Variants in SPMIP2 observed in about 807,000 individuals in gnomAD.
SPMIP2 encodes sperm microtubule inner protein 2, also known as protein SPMIP2.
the SPMIP2 span, among the ~76,000 whole-genome samples, chr4:158,982,837 A>G: frequency 1.3e-5 from 2 of 152,186 alleles, no homozygotes; most frequent in African/African-American, 4.8e-5. Context: ...TTGAGAGAAG[A>G]AGGCTTCAGA....
the SPMIP2 span, among the ~76,000 whole-genome samples, chr4:159,075,467 G>C: frequency 6.6e-6 from 1 of 152,026 alleles, no homozygotes; most frequent in Non-Finnish European, 1.5e-5. Context: ...GGATCATTTT[G>C]TAATTGTGTT....
chr4:158,904,577 A>G, the SPMIP2 span: 1 of 1,572,986 alleles, frequency 6.4e-7, no homozygotes, highest in Non-Finnish European at 8.7e-7. Context: ...CCTTGGAAGA[A>G]AAAAATCAAA....
the SPMIP2 span, among the ~76,000 whole-genome samples, chr4:158,934,709 T>C: frequency 6.6e-6 from 1 of 152,150 alleles, no homozygotes; most frequent in African/African-American, 2.4e-5. Context: ...GTCAATGATA[T>C]AACCATATAC....
the SPMIP2 span, among the ~76,000 whole-genome samples, chr4:158,979,305 T>C: frequency 6.6e-6 from 1 of 152,086 alleles, no homozygotes; most frequent in Admixed American, 6.6e-5. Context: ...GGGGGTGGGA[T>C]CCGATGAGCC....
the SPMIP2 span, among the ~76,000 whole-genome samples, chr4:158,937,123 C>T: frequency 6.6e-6 from 1 of 152,220 alleles, no homozygotes; most frequent in Non-Finnish European, 1.5e-5. Flanking sequence ...TCTTCCTTTT[C>T]TCCCTGCCGC....
the SPMIP2 span, among the ~76,000 whole-genome samples, chr4:158,913,290 A>C: frequency 6.6e-6 from 1 of 152,196 alleles, no homozygotes; most frequent in Non-Finnish European, 1.5e-5. Context: ...TGATGCAATC[A>C]TAGCTCACTG....
At chr4:158,977,812 C>T in the SPMIP2 span, among the ~76,000 whole-genome samples, 1 of 151,984 alleles carries the variant, frequency 6.6e-6, no homozygotes, top group Non-Finnish European at 1.5e-5. Flanking sequence ...GACGGGGTTT[C>T]ACTGTGTTAG....
chr4:158,961,660 TA>T, the SPMIP2 span, among the ~76,000 whole-genome samples: 1 of 152,148 alleles, frequency 6.6e-6, no homozygotes, highest in Non-Finnish European at 1.5e-5. Flanking sequence ...TTCTTATCTT[TA>T]ATAATCCAAA....
At chr4:159,053,785 C>T in the SPMIP2 span, among the ~76,000 whole-genome samples, 1 of 151,250 alleles carries the variant, frequency 6.6e-6, no homozygotes. Context: ...TCTTTCTTTC[C>T]TTCAATTAGA....
chr4:158,897,208 A>G, the SPMIP2 span, among the ~76,000 whole-genome samples: 1 of 152,120 alleles, frequency 6.6e-6, no homozygotes, highest in African/African-American at 2.4e-5. Flanking sequence ...TCCATGGTGT[A>G]TATGTGCCAC....
chr4:158,956,553 ACT>A, the SPMIP2 span, among the ~76,000 whole-genome samples: 1 of 151,622 alleles, frequency 6.6e-6, no homozygotes, highest in East Asian at 1.9e-4. Flanking sequence ...ACAGAGCAAA[ACT>A]CTGTCTCAAA....
At chr4:158,977,600 CTTTTTTTTTTTT>C in the SPMIP2 span, among the ~76,000 whole-genome samples, 3 of 72,386 alleles carry the variant, frequency 4.1e-5, no homozygotes, top group African/African-American at 5.8e-5. Context: ...TCCTTCAGTT[CTTTTTTTTTTTT>C]TTTTTTTTTT....
the SPMIP2 span, among the ~76,000 whole-genome samples, chr4:158,953,353 C>G: frequency 6.6e-6 from 1 of 152,200 alleles, no homozygotes; most frequent in Non-Finnish European, 1.5e-5. Context: ...AAGCCCCAAG[C>G]CTTGGCAGCT....
the SPMIP2 span, among the ~76,000 whole-genome samples, chr4:158,901,390 A>C: frequency 1.1e-4 from 16 of 152,176 alleles, no homozygotes; most frequent in African/African-American, 3.9e-4. Flanking sequence ...CTTTGTGGGT[A>C]ACCTGACCTC....
chr4:158,918,571 G>A, the SPMIP2 span, among the ~76,000 whole-genome samples: 7 of 152,220 alleles, frequency 4.6e-5, no homozygotes, highest in Middle Eastern at 3.4e-3. Context: ...ATCCTTGGCC[G>A]TCTTTAGTCT....
the SPMIP2 span, among the ~76,000 whole-genome samples, chr4:158,926,088 C>T: frequency 6.6e-6 from 1 of 152,208 alleles, no homozygotes; most frequent in Non-Finnish European, 1.5e-5. Flanking sequence ...GGGACATAAA[C>T]ATTCAGACCG....
At chr4:159,033,503 T>G in the SPMIP2 span, among the ~76,000 whole-genome samples, 1 of 152,192 alleles carries the variant, frequency 6.6e-6, no homozygotes. Context: ...GAATTCAGAC[T>G]GTGACAAGAA....
chr4:159,000,409 A>G, the SPMIP2 span, among the ~76,000 whole-genome samples: 1 of 151,798 alleles, frequency 6.6e-6, no homozygotes, highest in Non-Finnish European at 1.5e-5. Context: ...CTGTTACTAT[A>G]GATTAGTTTG....
chr4:158,960,210 T>G, the SPMIP2 span: 3 of 899,832 alleles, frequency 3.3e-6, no homozygotes, highest in South Asian at 4.7e-5. Flanking sequence ...TACTTAAAAG[T>G]TTACAAAAAT....
Sources: allele counts gnomAD v4.1 joint callset (sites outside exome capture counted in the v4.1 genomes callset), GRCh38; gene constraint gnomAD v4.1.1; transcripts MANE v1.5; gene names NCBI Gene and HGNC (gene_info 2026-07-23, HGNC 2026-07-21).